Variants in LRRK1 observed in about 807,000 individuals in gnomAD.
LRRK1 encodes leucine rich repeat kinase 1.
Under a neutral mutation model 209.1 loss-of-function variants are expected in LRRK1, and 113 were observed. The ratio of observed to expected loss-of-function variants is 0.54; its 90% CI spans 0.46 to 0.63. The LOEUF is 0.63. Among genes scored for constraint, LRRK1 ranks in the 30% least tolerant of loss-of-function variants. The pLI, the probability that LRRK1 is intolerant of heterozygous loss-of-function variation, is 0.00. For synonymous variants in LRRK1, 1,144 were observed against 1,099.7 expected (o/e 1.04, Z -0.80); for missense variants, 2,284 against 2,632.2 (o/e 0.87, Z 2.89).
chr15:101,062,824 A>ACGGTGGGAGGAAAGATATCAGACCTGGTC lies in LRRK1; in HGVS notation c.4914+137_4914+165dup, dbSNP rs1476967980. 9 of 705,806 alleles carry ACGGTGGGAGGAAAGATATCAGACCTGGTC rather than the reference A, an allele frequency of 1.3e-5. No homozygotes were observed. In the African/African-American group the frequency reaches 1.6e-4, roughly 12 times the overall value. 43.7% of individuals were successfully genotyped at this position (705,806 alleles called of 1,614,324 possible). A position where few individuals can be genotyped will look rare whatever the true frequency, so the allele number is the denominator to read the frequency against. On this transcript the variant is annotated intron_variant, in intron 31 of 33. Coordinates refer to ENST00000388948, the MANE Select transcript of LRRK1 (RefSeq NM_024652.6). Reference sequence around the variant, plus strand: ...CCTGGCCTAGGACGTAGACTTAGAGACGGTGGGAGGAAAGATATCAGACCT... The same window carrying ACGGTGGGAGGAAAGATATCAGACCTGGTC: ...CCTGGCCTAGGACGTAGACTTAGAGACGGTGGGAGGAAAGATATCAGACCTGGTCCGGTGGGAGGAAAGATATCAGACCT...
intron 2 of LRRK1, among the ~76,000 whole-genome samples, chr15:100,952,316 C>T (rs928134163): frequency 2.0e-5 from 3 of 152,148 alleles, no homozygotes; most frequent in Admixed American, 6.5e-5. Context: ...TTTTATGATA[C>T]GTGAATTATC....
chr15:100,979,506 CTA>C (rs2031482478), intron 3 of LRRK1, among the ~76,000 whole-genome samples: 2 of 152,130 alleles, frequency 1.3e-5, no homozygotes, highest in African/African-American at 2.4e-5. Context: ...TAAACTGTCT[CTA>C]TGTGTGGATC....
Position 100,919,484 on chromosome 15 carries a change from G to T in LRRK1, c.-123+33G>T, listed in dbSNP as rs1286595975. ...CCGCTCCTGCCGGCGCCCCCCGGCG[G>T]CCTGGCTGCCTCCCGGCCCCGCCCG... is the stretch of plus-strand genomic sequence containing the variant. On this transcript the variant is annotated intron_variant, in intron 1 of 33. Coordinates refer to ENST00000388948, the MANE Select transcript of LRRK1 (RefSeq NM_024652.6). This position sits in a 1 kb window ranked among gnomAD's most constrained non-coding sequence, Gnocchi z 5.8. 2 of 147,654 alleles carry T rather than the reference G, an allele frequency of 1.4e-5. No individual in the cohort carries two copies. The highest frequency in any genetic ancestry group is 3.0e-5 in the Non-Finnish European group (2 of 66,106). The allele number at this position is 147,654 out of a possible 1,614,324, so 9.1% of individuals were successfully genotyped here. A position where few individuals can be genotyped will look rare whatever the true frequency, so the allele number is the denominator to read the frequency against.
At chr15:100,985,064 G>A (rs764759719) in intron 4 of LRRK1, among the ~76,000 whole-genome samples, 1 of 152,200 alleles carries the variant, frequency 6.6e-6, no homozygotes, top group African/African-American at 2.4e-5. Flanking sequence ...TTATATAGTG[G>A]TCTTGTTTGA....
At position 101,028,990 on chromosome 15, in the gene LRRK1, C is replaced by T. The variant is rs776597364; in HGVS notation, c.2721C>T (p.Leu907=). The change falls in exon 20 of 34, where the codon CTC becomes CTT. Residue 907 remains leucine, a synonymous_variant. Transcript: ENST00000388948. ...TCCTCATAGAAACCGGCACCCTGCTCCATTTCCCGGACACCAGCCACGGCC... is the reference window on the plus strand; with the variant it reads ...TCCTCATAGAAACCGGCACCCTGCTTCATTTCCCGGACACCAGCCACGGCC... ...ISFLIETGTL[L]HFPDTSHGLR... The T allele has an allele frequency of 6.2e-7, 1 of 1,614,184 alleles. No individual in the cohort carries two copies. Among genetic ancestry groups the T allele is most frequent in the South Asian group, 1.1e-5 (1 of 91,078 alleles).
chr15:100,983,274 A>C (rs966024262), intron 3 of LRRK1, among the ~76,000 whole-genome samples: 2 of 152,238 alleles, frequency 1.3e-5, no homozygotes, highest in Non-Finnish European at 1.5e-5. Context: ...ACATGTAATC[A>C]ACATAAATTA....
At chr15:101,060,753 C>G (rs922018494) in intron 29 of LRRK1, among the ~76,000 whole-genome samples, 12 of 152,152 alleles carry the variant, frequency 7.9e-5, no homozygotes, top group African/African-American at 2.9e-4. Context: ...TCAGAGCACT[C>G]GTGCTGGGAG....
At chr15:101,008,724 G>T in intron 6 of LRRK1, 113 bp from the exon 7 acceptor site, 1 of 810,726 alleles carries the variant, frequency 1.2e-6, no homozygotes, top group Non-Finnish European at 2.0e-6. Flanking sequence ...CTTGGGACCC[G>T]GGCTGGAGCA....
chr15:101,064,105 G>T (rs996145586), intron 31 of LRRK1, among the ~76,000 whole-genome samples: 3 of 152,268 alleles, frequency 2.0e-5, no homozygotes, highest in Non-Finnish European at 4.4e-5. Context: ...CACCCAGCCG[G>T]GACGTGGCAC....
intron 2 of LRRK1, among the ~76,000 whole-genome samples, chr15:100,958,444 A>G (rs940439948): frequency 6.6e-6 from 1 of 152,214 alleles, no homozygotes; most frequent in African/African-American, 2.4e-5. Context: ...CAGCAAGCCC[A>G]GCAAGGGTGC....
chr15:101,039,962 AGATT>A (rs1213225382), intron 20 of LRRK1, among the ~76,000 whole-genome samples: 1 of 152,212 alleles, frequency 6.6e-6, no homozygotes, highest in Non-Finnish European at 1.5e-5. Flanking sequence ...ATCTAATGCT[AGATT>A]TCAGTGGCTC....
chr15:101,016,409 C>T (rs1199671565), intron 12 of LRRK1, among the ~76,000 whole-genome samples: 1 of 151,836 alleles, frequency 6.6e-6, no homozygotes, highest in Non-Finnish European at 1.5e-5. Context: ...TGGTCTTGAA[C>T]TCCTGACCTC....
intron 4 of LRRK1, among the ~76,000 whole-genome samples, chr15:100,985,933 T>C (rs1325634575): frequency 6.6e-6 from 1 of 152,084 alleles, no homozygotes; most frequent in African/African-American, 2.4e-5. Flanking sequence ...ACATGCTGGC[T>C]CATGCCTGTA....
chr15:100,945,592 C>G (rs561701416), intron 2 of LRRK1, among the ~76,000 whole-genome samples: 1 of 133,796 alleles, frequency 7.5e-6, no homozygotes, highest in Admixed American at 8.8e-5. Context: ...CTCCTGGGTT[C>G]AAATGATTAT....
intron 20 of LRRK1, among the ~76,000 whole-genome samples, chr15:101,042,388 C>A (rs2034806550): frequency 6.6e-6 from 1 of 152,142 alleles, no homozygotes; most frequent in Admixed American, 6.5e-5. Context: ...GTCTTCGTCA[C>A]CCCTGACCCC....
At chr15:100,963,473 T>A (rs2030219106) in intron 2 of LRRK1, among the ~76,000 whole-genome samples, 1 of 152,212 alleles carries the variant, frequency 6.6e-6, no homozygotes, top group African/African-American at 2.4e-5. Flanking sequence ...TTCCTAGCGC[T>A]GCTGTAGACG....
At chr15:100,974,041 C>A in intron 3 of LRRK1, 74 bp downstream of exon 3, 1 of 1,178,584 alleles carries the variant, frequency 8.5e-7, no homozygotes, top group Non-Finnish European at 1.1e-6. Flanking sequence ...AGATGATTTT[C>A]TCGTTATTGT....
intron 2 of LRRK1, among the ~76,000 whole-genome samples, chr15:100,957,402 C>T (rs147333337): frequency 5.1e-4 from 77 of 152,192 alleles, no homozygotes; most frequent in African/African-American, 1.8e-3. Flanking sequence ...TTGAAGTCCC[C>T]TACTATTATT....
At chr15:100,982,940 C>T (rs966318080) in intron 3 of LRRK1, among the ~76,000 whole-genome samples, 4 of 152,152 alleles carry the variant, frequency 2.6e-5, no homozygotes, top group Non-Finnish European at 4.4e-5. Flanking sequence ...ACAGGTATTC[C>T]GGTTGGAGGA....
Sources: gnomAD v4.1 joint callset for allele counts (sites outside exome capture counted in the v4.1 genomes callset) on GRCh38, gnomAD v4.1.1 for gene constraint, Gnocchi (gnomAD v3.1) non-coding constraint, MANE v1.5 for transcripts, NCBI Gene and HGNC (gene_info 2026-07-23, HGNC 2026-07-21) for gene names.